The following HIPK1 variants were observed in gnomAD, a reference collection of about 807,000 sequenced individuals.
HIPK1 encodes homeodomain-interacting protein kinase 1.
HIPK1 carries 28 observed loss-of-function variants against 117.1 expected under a neutral mutation model. That is an observed-to-expected ratio of 0.24 (90% CI 0.18 to 0.33). HIPK1 has a LOEUF of 0.33. Ranked by LOEUF, HIPK1 falls within the 10% of genes least tolerant of loss-of-function variation. The pLI is 1.00. For synonymous variants in HIPK1, 605 were observed against 562.5 expected, an observed-to-expected ratio of 1.08 and a Z score of -1.07; for missense variants, 1,122 against 1,475.1, an observed-to-expected ratio of 0.76 and a Z score of 3.92.
rs10108 is a variant in HIPK1 at position 113,973,708 on chromosome 1, C to T, written c.*196C>T. The T allele has an allele frequency of 0.24, 113,421 of 474,866 alleles. 14,058 individuals carry two copies. Among genetic ancestry groups the T allele is most frequent in the Non-Finnish European group, 0.24 (69,245 of 285,486 alleles). The allele number at this position is 474,866 out of a possible 1,614,324, so 29.4% of individuals were successfully genotyped here. On this transcript the variant is annotated 3_prime_UTR_variant, in exon 16 of 16. Transcript: ENST00000426820. ...TGTTGACTGCATTGTTGTAGTCTTC[C>T]CAAAGTTTGCCCTATTTTTAAATTC...
chr1:113,962,341 A>G lies in HIPK1; in HGVS notation c.2006A>G (p.His669Arg). The G allele has an allele frequency of 6.2e-7, 1 of 1,613,970 alleles. No individual in the cohort carries two copies. Among genetic ancestry groups the G allele is most frequent in the Non-Finnish European group, 8.5e-7 (1 of 1,179,876 alleles). ...GCTGGACTACAAGCAACAACAAAGC[A>G]TTCTGGATTCCCTGTGAGGATGGAT... is the stretch of plus-strand genomic sequence containing the variant. ...FQTGLQATTK[H>R]SGFPVRMDNA... Residue 669 changes from histidine to arginine, a missense_variant, in exon 9 of 16, where the codon CAT (histidine) becomes CGT (arginine). By Grantham distance (29) the His-to-Arg change is conservative. Coordinates refer to ENST00000426820, the MANE Select transcript of HIPK1 (RefSeq NM_198268.3).
At chr1:113,948,588 T>TTC (rs1558133366) in intron 2 of HIPK1, among the ~76,000 whole-genome samples, 1 of 151,904 alleles carries the variant, frequency 6.6e-6, no homozygotes, top group Non-Finnish European at 1.5e-5. Flanking sequence ...TTCCTTTTTT[T>TTC]GTTTTTCCTT....
chr1:113,965,590 T>C (rs1026085785), intron 10 of HIPK1, among the ~76,000 whole-genome samples: 2 of 152,198 alleles, frequency 1.3e-5, no homozygotes, highest in African/African-American at 2.4e-5. Flanking sequence ...TAAGATTTTT[T>C]CCCCAAAAGG....
intron 10 of HIPK1, among the ~76,000 whole-genome samples, chr1:113,965,350 A>G (rs944209389): frequency 2.0e-5 from 3 of 152,166 alleles, no homozygotes; most frequent in Non-Finnish European, 4.4e-5. Flanking sequence ...TTTGTTGCTC[A>G]GTTTATTGCA....
rs1339917178 is a variant in HIPK1, at chr1:113,970,181, A to C, written c.2997A>C (p.Val999=). The C allele has an allele frequency of 1.2e-6, 2 of 1,614,184 alleles. No homozygotes were observed. Among genetic ancestry groups the C allele is most frequent in the Admixed American group, 3.3e-5 (2 of 60,022 alleles). ...AAACTCAGCTTGGTGACTGCACTGT[A>C]GCAACCCAGGCCTCAGGTCAGTGTT... is the stretch of plus-strand genomic sequence containing the variant. ...PLKTQLGDCT[V]ATQASGLLSN... The change falls in exon 14 of 16, where the codon GTA becomes GTC. Residue 999 remains valine (V), a synonymous_variant. Transcript: ENST00000426820.
At chr1:113,962,278 C>T (rs1672175353) in intron 8 of HIPK1, 39 bp from the exon 9 acceptor site, 2 of 1,604,808 alleles carry the variant, frequency 1.2e-6, no homozygotes, top group South Asian at 2.2e-5. Flanking sequence ...TACTCCCAGA[C>T]CTTGCAAAAC....
intron 11 of HIPK1, among the ~76,000 whole-genome samples, chr1:113,967,288 C>T (rs1017850190): frequency 6.6e-6 from 1 of 152,148 alleles, no homozygotes; most frequent in Non-Finnish European, 1.5e-5. Flanking sequence ...TTAGTTTTTA[C>T]AGGAACCTCC....
chr1:113,971,836 A>C lies in HIPK1; in HGVS notation c.3026A>C (p.Asn1009Thr), dbSNP rs763296980. 3 of 1,594,762 alleles carry C rather than the reference A, an allele frequency of 1.9e-6. No homozygotes were observed. Among genetic ancestry groups the C allele is most frequent in the Non-Finnish European group, 2.6e-6 (3 of 1,174,126 alleles). ...GGTGCTTTTTTAGGTCTCCTGAGCA[A>C]TAAGACTAAGCCAGTCGCTTCAGTG... ...VATQASGLLS[N>T]KTKPVASVSG... Residue 1009 changes from asparagine to threonine, a missense_variant, in exon 15 of 16, where the codon AAT becomes ACT. This residue lies in a region of HIPK1 where 731 missense variants were observed against 860.4 expected (regional missense o/e 0.85). Coordinates refer to ENST00000426820, the MANE Select transcript of HIPK1 (RefSeq NM_198268.3).
At chr1:113,962,224 A>G (rs561444856) in intron 8 of HIPK1, 93 bp from the exon 9 acceptor site, 3 of 1,303,024 alleles carry the variant, frequency 2.3e-6, no homozygotes, top group East Asian at 4.8e-5. Context: ...TGAACAGTGG[A>G]TTATTTGAAC....
At chr1:113,933,114 A>G (rs1571638174) in intron 1 of HIPK1, 2 of 900,536 alleles carry the variant, frequency 2.2e-6, no homozygotes, top group African/African-American at 3.6e-5. Context: ...CAAAGCACTT[A>G]CTTTTCTTTT....
intron 1 of HIPK1, chr1:113,929,860 T>C (rs1373472067): frequency 2.2e-5 from 22 of 987,248 alleles, no homozygotes; most frequent in Non-Finnish European, 2.4e-5. Context: ...ATGACCCGGC[T>C]GCGGGGCCCC....
chr1:113,935,442 G>C (rs1464580165), intron 1 of HIPK1, among the ~76,000 whole-genome samples: 1 of 152,112 alleles, frequency 6.6e-6, no homozygotes, highest in Non-Finnish European at 1.5e-5. Context: ...TGGGCATTTA[G>C]GTTGAATTTC....
Position 113,974,354 on chromosome 1 carries a change from A to AT in HIPK1, c.*849dup, listed in dbSNP as rs564901943. 15 of 152,842 alleles carry AT rather than the reference A, an allele frequency of 9.8e-5. No individual in the cohort carries two copies. The South Asian group carries it at 2.3e-3, about 23-fold the overall frequency. 9.5% of individuals were successfully genotyped at this position (152,842 alleles called of 1,614,324 possible). Reference sequence around the variant, plus strand: ...TCTTTCTCTCTCTGATTCAGCTTAAATTTTTTTATCGAAAAAGCCATTAAG... The same window carrying AT: ...TCTTTCTCTCTCTGATTCAGCTTAAATTTTTTTTATCGAAAAAGCCATTAAG... On this transcript the variant is annotated 3_prime_UTR_variant, in exon 16 of 16. Coordinates refer to ENST00000426820, the MANE Select transcript of HIPK1 (RefSeq NM_198268.3).
intron 5 of HIPK1, among the ~76,000 whole-genome samples, chr1:113,955,934 A>C (rs1282091738): frequency 6.6e-6 from 1 of 152,118 alleles, no homozygotes; most frequent in South Asian, 2.1e-4. Context: ...TTAAATACTT[A>C]AGAATTATAT....
In HIPK1 at chr1:113,954,755, A is replaced by G; in HGVS notation, c.1305A>G (p.Pro435=). The change falls in exon 4 of 16, where the codon CCA becomes CCG. Residue 435 remains proline (P), a synonymous_variant. Transcript: ENST00000426820. ...ACAGAGATCCTAATTTGGGGTACCC[A>G]CTGTGGAGGCTTAAGGTCTGTCTTC... ...FFNRDPNLGY[P]LWRLKTPEEH... is the part of the protein sequence containing the mutation. 6.2e-7 allele frequency: 1 copy of G among 1,614,066 alleles called. No homozygotes were observed. Among genetic ancestry groups the G allele is most frequent in the East Asian group, 2.2e-5 (1 of 44,874 alleles).
At chr1:113,932,507 C>G (rs1669966127) in intron 1 of HIPK1, among the ~76,000 whole-genome samples, 1 of 140,058 alleles carries the variant, frequency 7.1e-6, no homozygotes, top group Admixed American at 7.0e-5. Context: ...GTAGCTAGGA[C>G]TACAGGCACT....
rs59229624 is a variant in HIPK1 at position 113,940,024 on chromosome 1, C to T, written c.-2-358C>T. ...CTCACTACATTGCCTAGGCTGGTCTCGAACTCCTCAGCTCAGGAGATCTTC... is the reference window on the plus strand; with the variant it reads ...CTCACTACATTGCCTAGGCTGGTCTTGAACTCCTCAGCTCAGGAGATCTTC... On this transcript the variant is annotated intron_variant, in intron 1 of 15. Transcript: ENST00000426820. Among the ~76,000 whole-genome samples the T allele has an allele frequency of 5.3e-3, 792 of 149,014 alleles. 7 individuals carry two copies. Among genetic ancestry groups the T allele is most frequent in the African/African-American group, 0.018 (722 of 40,386 alleles).
At chr1:113,946,657 A>G (rs1013429992) in intron 2 of HIPK1, among the ~76,000 whole-genome samples, 6 of 152,194 alleles carry the variant, frequency 3.9e-5, no homozygotes, top group African/African-American at 1.4e-4. Flanking sequence ...TCAAATCTTC[A>G]AAGTTACCCT....
chr1:113,955,657 C>T lies in HIPK1; in HGVS notation c.1407+8C>T, dbSNP rs576467644. The T allele has an allele frequency of 2.0e-5, 31 of 1,513,340 alleles. No homozygotes were observed. Among genetic ancestry groups the T allele is most frequent in the Admixed American group, 5.4e-5 (3 of 55,272 alleles). The allele number at this position is 1,513,340 out of a possible 1,614,324, so 93.7% of individuals were successfully genotyped here. A position where few individuals can be genotyped will look rare whatever the true frequency, so the allele number is the denominator to read the frequency against. ...TTAGATGACATGGCTCAGGTGAGTA[C>T]GGAAAGTTTCAGAAAGTCAGACATT... On this transcript the variant is annotated splice_region_variant and intron_variant, in intron 5 of 15. Coordinates refer to ENST00000426820, the MANE Select transcript of HIPK1 (RefSeq NM_198268.3).
Sources: gnomAD v4.1 joint callset for allele counts (sites outside exome capture counted in the v4.1 genomes callset) on GRCh38, gnomAD v4.1.1 for gene constraint, gnomAD v4.1.1 regional missense constraint, MANE v1.5 for transcripts, NCBI Gene and HGNC (gene_info 2026-07-23, HGNC 2026-07-21) for gene names.